The following SV2B variants were observed in gnomAD, a reference collection of about 807,000 sequenced individuals.
SV2B encodes solute carrier family 22 member B2.
A neutral mutation model predicts 73.9 loss-of-function variants in SV2B; 41 were observed. That is an observed-to-expected ratio of 0.56 (90% confidence interval 0.43 to 0.72). The LOEUF (loss-of-function observed/expected upper bound fraction) is 0.72. Ranked by LOEUF, SV2B falls within the 30% of genes least tolerant of loss-of-function variation. The pLI is 0.00. For missense variants in SV2B, 764 were observed against 857.8 expected (o/e 0.89, Z 1.37); for synonymous variants, 314 against 314.2 (o/e 1.00, Z 0.01).
rs903531189 is a variant in SV2B, at chr15:91,209,114, GTTTTTT to G, written c.-391-16739_-391-16734del. Among the ~76,000 whole-genome samples, 276 of 89,966 alleles carry G rather than the reference GTTTTTT, an allele frequency of 3.1e-3. 2 individuals are homozygous for G. The highest frequency in any genetic ancestry group is 0.015 in the African/African-American group (240 of 16,028). 59.0% of individuals were successfully genotyped at this position (89,966 alleles called of 152,430 possible). On this transcript the variant is annotated intron_variant, in intron 1 of 12. Coordinates refer to ENST00000394232, the MANE Select transcript of SV2B (RefSeq NM_001323032.3). ...AGTGACTGTGGCAGTACTGTTTTTTGTTTTTTTTTTTTTTTTTTTTTTTTTGAGACA... is the reference window on the plus strand; with the variant it reads ...AGTGACTGTGGCAGTACTGTTTTTTGTTTTTTTTTTTTTTTTTTTGAGACA...
In SV2B at chr15:91,130,185, AG is replaced by A. The variant is rs2042599352; in HGVS notation, c.-392+29824del. ...GAAACGGCTAGGACTTGGCAAGTCT[AG>A]GAAGTGGGGCTGAGGAGAGTGAGAG... On this transcript the variant is annotated intron_variant, in intron 1 of 12. Transcript: ENST00000394232. This position sits in a 1 kb window ranked among gnomAD's most constrained non-coding sequence, Gnocchi z 5.6. Among the ~76,000 whole-genome samples the A allele has an allele frequency of 6.6e-6, 1 of 152,182 alleles. No homozygotes were observed. Among genetic ancestry groups the A allele is most frequent in the Non-Finnish European group, 1.5e-5 (1 of 68,020 alleles).
chr15:91,165,340 A>T (rs1438136037), intron 1 of SV2B, among the ~76,000 whole-genome samples: 2 of 152,192 alleles, frequency 1.3e-5, no homozygotes, highest in Admixed American at 1.3e-4. Flanking sequence ...TCAAAAAAAA[A>T]TTATTTTTTT....
rs971590621 is a variant in SV2B at position 91,136,496 on chromosome 15, G to T, written c.-392+36133G>T. 6.6e-6 allele frequency among the ~76,000 whole-genome samples: 1 copy of T among 152,228 alleles called. No homozygotes were observed. The highest frequency in any genetic ancestry group is 1.5e-5 in the Non-Finnish European group (1 of 68,038). ...CATGCGTCTCGGGTGCTTTGTCCCA[G>T]GGAGAGAACTGTGCGGCGGAGTAAG... On this transcript the variant is annotated intron_variant, in intron 1 of 12. Coordinates refer to ENST00000394232, the MANE Select transcript of SV2B (RefSeq NM_001323032.3). The surrounding 1 kb of genome is among the most constrained non-coding windows in gnomAD (Gnocchi z 5.6).
Position 91,118,992 on chromosome 15 carries a change from G to A in SV2B, c.-392+18629G>A, listed in dbSNP as rs1467553665. On this transcript the variant is annotated intron_variant, in intron 1 of 12. Coordinates refer to ENST00000394232, the MANE Select transcript of SV2B (RefSeq NM_001323032.3). This position sits in a 1 kb window ranked among gnomAD's most constrained non-coding sequence, Gnocchi z 4.7. ...TGGGCGTGCTGGCTGATCCGCTTGGGGCTCCCGGCTTTTACTCCTAATCCT... is the reference window on the plus strand; with the variant it reads ...TGGGCGTGCTGGCTGATCCGCTTGGAGCTCCCGGCTTTTACTCCTAATCCT... Among the ~76,000 whole-genome samples, 4 of 152,140 alleles carry A rather than the reference G, an allele frequency of 2.6e-5. No homozygotes were observed. The East Asian group carries it at 5.8e-4, about 22-fold the overall frequency.
intron 1 of SV2B, among the ~76,000 whole-genome samples, chr15:91,199,767 G>A (rs772723979): frequency 2.0e-4 from 30 of 152,332 alleles, no homozygotes; most frequent in African/African-American, 5.3e-4. Context: ...CGCACACAGC[G>A]GGGATGAGGA....
chr15:91,233,539 G>A lies in SV2B; in HGVS notation c.451+6825G>A, dbSNP rs1009474741. Among the ~76,000 whole-genome samples the A allele has an allele frequency of 4.6e-5, 7 of 152,298 alleles. No individual in the cohort carries two copies. In the East Asian group the frequency reaches 1.2e-3, roughly 25 times the overall value. On this transcript the variant is annotated intron_variant, in intron 2 of 12. Transcript: ENST00000394232. Reference sequence around the variant, plus strand: ...TAGTGAAAATTGAATTCCCAGCCTTGCAGGGTGTCTTCTGTTAAAGTGAGA... The same window carrying A: ...TAGTGAAAATTGAATTCCCAGCCTTACAGGGTGTCTTCTGTTAAAGTGAGA...
At chr15:91,170,745 G>A (rs977586627) in intron 1 of SV2B, among the ~76,000 whole-genome samples, 3 of 152,184 alleles carry the variant, frequency 2.0e-5, no homozygotes, top group Non-Finnish European at 4.4e-5. Flanking sequence ...CATCAGGCAA[G>A]TACTTAATAT....
chr15:91,102,736 G>T (rs2151712674), intron 1 of SV2B, among the ~76,000 whole-genome samples: 1 of 152,358 alleles, frequency 6.6e-6, no homozygotes, highest in East Asian at 1.9e-4. Context: ...GCTGCCAGAG[G>T]GCAGGGTGGG....
At chr15:91,189,204 C>A (rs891243515) in intron 1 of SV2B, among the ~76,000 whole-genome samples, 2 of 151,688 alleles carry the variant, frequency 1.3e-5, no homozygotes, top group Non-Finnish European at 2.9e-5. Context: ...ACATTTTGTT[C>A]ATGGCACACT....
chr15:91,286,423 C>T (rs1030615468), intron 11 of SV2B, among the ~76,000 whole-genome samples: 3 of 152,286 alleles, frequency 2.0e-5, no homozygotes, highest in African/African-American at 7.2e-5. Flanking sequence ...GGCTGCTACC[C>T]ACTCATTTAT....
chr15:91,200,386 A>C (rs1280634510), intron 1 of SV2B, among the ~76,000 whole-genome samples: 5 of 152,214 alleles, frequency 3.3e-5, no homozygotes, highest in Admixed American at 6.5e-5. Flanking sequence ...AAGGGAGACA[A>C]ATGCCATATC....
At chr15:91,195,862 A>C (rs142645177) in intron 1 of SV2B, among the ~76,000 whole-genome samples, 2 of 152,236 alleles carry the variant, frequency 1.3e-5, no homozygotes, top group Admixed American at 1.3e-4. Flanking sequence ...CATAATTGCC[A>C]TCAGTGTGTT....
At position 91,267,208 on chromosome 15, in the gene SV2B, T is replaced by G; in HGVS notation, c.1120-347T>G. On this transcript the variant is annotated intron_variant, in intron 7 of 12. Transcript: ENST00000394232. The surrounding 1 kb of genome is among the most constrained non-coding windows in gnomAD (Gnocchi z 4.3). ...GCCTTCATGGTGTATGGTCAGTAAA[T>G]GTTTGCAATATCCCCCTTGCCCACA... Among the ~76,000 whole-genome samples the G allele has an allele frequency of 6.6e-6, 1 of 152,194 alleles. No individual in the cohort carries two copies. The highest frequency in any genetic ancestry group is 1.5e-5 in the Non-Finnish European group (1 of 68,024).
rs1423230647 is a variant in SV2B at position 91,234,635 on chromosome 15, C to T, written c.451+7921C>T. ...TTCTAGGTCAAGTGAACAGAAGTCT[C>T]ATGAAATATAGAAACAGAGCATCAT... On this transcript the variant is annotated intron_variant, in intron 2 of 12. Transcript: ENST00000394232. This position sits in a 1 kb window ranked among gnomAD's most constrained non-coding sequence, Gnocchi z 5.6. Among the ~76,000 whole-genome samples, 7 of 152,184 alleles carry T rather than the reference C, an allele frequency of 4.6e-5. No individual in the cohort carries two copies. The highest frequency in any genetic ancestry group is 1.0e-4 in the Non-Finnish European group (7 of 68,024).
At chr15:91,164,410 G>A (rs1256447643) in intron 1 of SV2B, among the ~76,000 whole-genome samples, 1 of 152,182 alleles carries the variant, frequency 6.6e-6, no homozygotes, top group Non-Finnish European at 1.5e-5. Context: ...CTTGTCACAT[G>A]TCTACCTCTA....
Position 91,241,198 on chromosome 15 carries a change from C to T in SV2B, c.452-10621C>T, listed in dbSNP as rs76297582. 0.02 allele frequency among the ~76,000 whole-genome samples: 3,079 copies of T among 152,238 alleles called. 38 individuals are homozygous for T. Among genetic ancestry groups the T allele is most frequent in the Middle Eastern group, 0.048 (14 of 294 alleles). Reference sequence around the variant, plus strand: ...TTTAGACTTTTAACCTCTTATTACCCCCTTGTTCTCACCACATTCCTCACT... The same window carrying T: ...TTTAGACTTTTAACCTCTTATTACCTCCTTGTTCTCACCACATTCCTCACT... On this transcript the variant is annotated intron_variant, in intron 2 of 12. Transcript: ENST00000394232. The surrounding 1 kb of genome is among the most constrained non-coding windows in gnomAD (Gnocchi z 4.8).
chr15:91,175,400 A>T (rs2141292537), intron 1 of SV2B, among the ~76,000 whole-genome samples: 1 of 152,096 alleles, frequency 6.6e-6, no homozygotes, highest in East Asian at 1.9e-4. Flanking sequence ...GACTACAGGC[A>T]TGTGCCATCA....
chr15:91,232,518 T>C lies in SV2B; in HGVS notation c.451+5804T>C, dbSNP rs2046618176. Among the ~76,000 whole-genome samples, 1 of 152,044 alleles carries C rather than the reference T, an allele frequency of 6.6e-6. No homozygotes were observed. Among genetic ancestry groups the C allele is most frequent in the African/African-American group, 2.4e-5 (1 of 41,390 alleles). On this transcript the variant is annotated intron_variant, in intron 2 of 12. Coordinates refer to ENST00000394232, the MANE Select transcript of SV2B (RefSeq NM_001323032.3). The surrounding 1 kb of genome is among the most constrained non-coding windows in gnomAD (Gnocchi z 4.7). ...GAAGGAGGTGATAAGATGGGGCCTG[T>C]GGTTTAGGATGATCACTCTGCCCCA...
intron 1 of SV2B, among the ~76,000 whole-genome samples, chr15:91,158,611 G>T: frequency 7.1e-6 from 1 of 140,856 alleles, no homozygotes; most frequent in African/African-American, 2.6e-5. Flanking sequence ...CTAGAGAAAG[G>T]GTGGCCTTTT....
Sources: allele counts gnomAD v4.1 joint callset (sites outside exome capture counted in the v4.1 genomes callset), GRCh38; gene constraint gnomAD v4.1.1; non-coding constraint Gnocchi (gnomAD v3.1); transcripts MANE v1.5; gene names NCBI Gene and HGNC (gene_info 2026-07-23, HGNC 2026-07-21).